Variants in BLTP3A observed in about 807,000 individuals in gnomAD.
The protein encoded by BLTP3A is bridge-like lipid transfer protein family member 3A, also known as ICBP90 binding protein 1.
chr6:34,816,393 CGAG>C, the BLTP3A span, among the ~76,000 whole-genome samples: 1 of 51,502 alleles, frequency 1.9e-5, no homozygotes, highest in African/African-American at 2.2e-4. Flanking sequence ...TTGCTTGAGC[CGAG>C]CCCAGAAGTT....
the BLTP3A span, among the ~76,000 whole-genome samples, chr6:34,863,068 G>A: frequency 6.6e-6 from 1 of 151,896 alleles, no homozygotes; most frequent in Admixed American, 6.6e-5. Context: ...ATCATGCCTG[G>A]CTAATCTTTG....
At chr6:34,832,925 T>A in the BLTP3A span, among the ~76,000 whole-genome samples, 4 of 152,316 alleles carry the variant, frequency 2.6e-5, no homozygotes, top group African/African-American at 9.6e-5. Flanking sequence ...CAGTTTGAAT[T>A]TTCAGACCTC....
chr6:34,794,633 C>T, the BLTP3A span, among the ~76,000 whole-genome samples: 6 of 152,132 alleles, frequency 3.9e-5, no homozygotes, highest in Non-Finnish European at 2.9e-5. Flanking sequence ...AGTTTCGTAC[C>T]TCATTTTATG....
the BLTP3A span, among the ~76,000 whole-genome samples, chr6:34,819,792 C>T: frequency 6.6e-6 from 1 of 152,018 alleles, no homozygotes; most frequent in African/African-American, 2.4e-5. Flanking sequence ...AGCACAGCAT[C>T]GAGGACTGGA....
chr6:34,847,945 T>G, the BLTP3A span, among the ~76,000 whole-genome samples: 1 of 144,172 alleles, frequency 6.9e-6, no homozygotes, highest in African/African-American at 2.5e-5. Context: ...TTTTTTGAGA[T>G]AGCCTCACTC....
the BLTP3A span, among the ~76,000 whole-genome samples, chr6:34,801,855 A>G: frequency 6.6e-6 from 1 of 152,212 alleles, no homozygotes; most frequent in African/African-American, 2.4e-5. Flanking sequence ...CTCCTGCCTC[A>G]GTCTCCGGAG....
chr6:34,833,474 TG>T, the BLTP3A span, among the ~76,000 whole-genome samples: 1 of 152,110 alleles, frequency 6.6e-6, no homozygotes, highest in Non-Finnish European at 1.5e-5. Flanking sequence ...AGAAACCCTA[TG>T]TCTCTTTTCT....
chr6:34,834,968 A>T, the BLTP3A span: 1 of 1,374,882 alleles, frequency 7.3e-7, no homozygotes, highest in Non-Finnish European at 9.9e-7. Context: ...CTGGAATGAC[A>T]GTTGAAGGGG....
the BLTP3A span, among the ~76,000 whole-genome samples, chr6:34,803,936 C>A: frequency 2.0e-5 from 3 of 152,056 alleles, no homozygotes; most frequent in Non-Finnish European, 4.4e-5. Context: ...TTTTTTAAAT[C>A]TTTCTTTAAA....
At chr6:34,810,368 C>T in the BLTP3A span, among the ~76,000 whole-genome samples, 2 of 152,230 alleles carry the variant, frequency 1.3e-5, no homozygotes, top group South Asian at 4.1e-4. Flanking sequence ...ACATGATTCA[C>T]ATCATACAAC....
At chr6:34,861,076 A>G in the BLTP3A span, among the ~76,000 whole-genome samples, 28 of 152,048 alleles carry the variant, frequency 1.8e-4, no homozygotes, top group Non-Finnish European at 2.1e-4. Context: ...TTTATCCTAT[A>G]GGTGTAAATA....
At chr6:34,872,731 T>G in the BLTP3A span, 1 of 216,064 alleles carries the variant, frequency 4.6e-6, no homozygotes, top group East Asian at 8.9e-5. Context: ...AGGTGGAATC[T>G]TCTCAACACT....
the BLTP3A span, among the ~76,000 whole-genome samples, chr6:34,792,970 GCTTTT>G: frequency 6.6e-6 from 1 of 152,124 alleles, no homozygotes; most frequent in Non-Finnish European, 1.5e-5. Flanking sequence ...TCCCTCTTTT[GCTTTT>G]CTTTTCATTA....
the BLTP3A span, among the ~76,000 whole-genome samples, chr6:34,815,805 G>A: frequency 1.3e-5 from 2 of 151,692 alleles, no homozygotes; most frequent in Non-Finnish European, 1.5e-5. Flanking sequence ...ACCATGGCCC[G>A]GCTAATTTTT....
At chr6:34,811,977 T>TG in the BLTP3A span, among the ~76,000 whole-genome samples, 1 of 151,754 alleles carries the variant, frequency 6.6e-6, no homozygotes, top group Non-Finnish European at 1.5e-5. Flanking sequence ...CAGAGAGCTA[T>TG]GATTGTGCCA....
the BLTP3A span, among the ~76,000 whole-genome samples, chr6:34,814,754 G>C: frequency 6.6e-6 from 1 of 152,228 alleles, no homozygotes; most frequent in East Asian, 1.9e-4. Context: ...TGGTTGAGTT[G>C]GTGAAGTGCA....
chr6:34,816,764 G>T, the BLTP3A span, among the ~76,000 whole-genome samples: 3 of 152,170 alleles, frequency 2.0e-5, no homozygotes, highest in Non-Finnish European at 1.5e-5. Context: ...CTCAGCTGGG[G>T]TAGAAAGGTA....
the BLTP3A span, chr6:34,871,802 T>A: frequency 3.7e-6 from 6 of 1,613,380 alleles, no homozygotes; most frequent in African/African-American, 6.7e-5. Flanking sequence ...CTTAGAACCT[T>A]TACTTGTTTT....
the BLTP3A span, chr6:34,858,604 C>G: frequency 3.7e-6 from 6 of 1,614,018 alleles, no homozygotes; most frequent in Admixed American, 1.0e-4. Flanking sequence ...AGAGGGGAGG[C>G]TGAAACCATC....
Sources: allele counts gnomAD v4.1 joint callset (sites outside exome capture counted in the v4.1 genomes callset), GRCh38; gene constraint gnomAD v4.1.1; transcripts MANE v1.5; gene names NCBI Gene and HGNC (gene_info 2026-07-23, HGNC 2026-07-21).